The following EFCAB5 variants were observed in gnomAD, a reference collection of about 807,000 sequenced individuals.
EFCAB5 encodes EF-hand calcium-binding domain-containing protein 5.
EFCAB5 carries 131 observed loss-of-function variants against 167.9 expected under a neutral mutation model. The ratio of observed to expected loss-of-function variants is 0.78; its 90% confidence interval spans 0.68 to 0.90. The LOEUF is 0.90. Among genes scored for constraint, EFCAB5 ranks in the 40% least tolerant of loss-of-function variants. The pLI is 0.00. For missense variants in EFCAB5, 1,663 were observed against 1,745.2 expected, an observed-to-expected ratio of 0.95 and a Z score of 0.84; for synonymous variants, 574 against 602.8, an observed-to-expected ratio of 0.95 and a Z score of 0.70.
At chr17:29,956,170 G>A (rs1381498938) in intron 3 of EFCAB5, among the ~76,000 whole-genome samples, 9 of 152,162 alleles carry the variant, frequency 5.9e-5, no homozygotes. Flanking sequence ...CTATTAAATT[G>A]TCTATCAACA....
intron 18 of EFCAB5, among the ~76,000 whole-genome samples, chr17:30,085,926 G>A (rs1020525040): frequency 6.6e-6 from 1 of 152,070 alleles, no homozygotes; most frequent in African/African-American, 2.4e-5. Flanking sequence ...CCTCTTCCAA[G>A]CACCATTCAA....
In EFCAB5 at chr17:30,058,691, C is replaced by A. The variant is rs182651210; in HGVS notation, c.2580+801C>A. Among the ~76,000 whole-genome samples the A allele has an allele frequency of 4.2e-4, 64 of 152,148 alleles. No homozygotes were observed. The East Asian group carries it at 0.012, about 28-fold the overall frequency. On this transcript the variant is annotated intron_variant, in intron 13 of 22. Transcript: ENST00000394835. ...TTTTCATTATTTAAACACTGCCATT[C>A]ATTCCCCTTCACTCAAAACATATCC... is the stretch of plus-strand genomic sequence containing the variant.
intron 3 of EFCAB5, among the ~76,000 whole-genome samples, chr17:29,952,509 A>G (rs2067532921): frequency 6.6e-6 from 1 of 152,244 alleles, no homozygotes; most frequent in Non-Finnish European, 1.5e-5. Flanking sequence ...AACCCAGTCT[A>G]TCTAAAAGAG....
At position 29,941,709 on chromosome 17, in the gene EFCAB5, TG is replaced by T. The variant is rs2067299751; in HGVS notation, c.-87del. The T allele has an allele frequency of 8.3e-7, 1 of 1,198,256 alleles. No homozygotes were observed. Among genetic ancestry groups the T allele is most frequent in the African/African-American group, 1.5e-5 (1 of 64,538 alleles). The allele number at this position is 1,198,256 out of a possible 1,614,324, so 74.2% of individuals were successfully genotyped here. A position where few individuals can be genotyped will look rare whatever the true frequency, so the allele number is the denominator to read the frequency against. Reference sequence around the variant, plus strand: ...TTTTAACTTCTGGAGTACTTTGTGATGTTTATTAATATTTTCTTTCTTTTTG... The same window carrying T: ...TTTTAACTTCTGGAGTACTTTGTGATTTTATTAATATTTTCTTTCTTTTTG... On this transcript the variant is annotated 5_prime_UTR_variant, in exon 1 of 23. It removes an upstream start codon present in the reference 5' UTR. Coordinates refer to ENST00000394835, the MANE Select transcript of EFCAB5 (RefSeq NM_198529.4).
intron 18 of EFCAB5, among the ~76,000 whole-genome samples, chr17:30,085,256 T>C (rs781554716): frequency 6.6e-6 from 1 of 152,142 alleles, no homozygotes; most frequent in African/African-American, 2.4e-5. Context: ...ACAGTAACCA[T>C]AGATGAGTAA....
chr17:29,974,100 T>C (rs1038173307), intron 4 of EFCAB5, among the ~76,000 whole-genome samples: 1 of 148,806 alleles, frequency 6.7e-6, no homozygotes, highest in African/African-American at 2.5e-5. Flanking sequence ...GAGGTTGCAG[T>C]GAGCTGAGAT....
At chr17:29,950,675 C>T (rs2067490966) in intron 3 of EFCAB5, 1 of 152,050 alleles carries the variant, frequency 6.6e-6, no homozygotes, top group African/African-American at 2.4e-5. Context: ...CACCTAGCCT[C>T]TTATGATTTT....
Position 29,969,150 on chromosome 17 carries a change from C to T in EFCAB5, c.550C>T (p.Pro184Ser). ...TGACAAACTTCTACCCACCTTAGTT[C>T]CTGGAGTAGAAAACATGTTAACTCA... ...LLDKLLPTLV[P>S]GVENMLTQVE... The change falls in exon 4 of 23, where the codon CCT becomes TCT. Residue 184 changes from proline to serine, a missense_variant. Pro to Ser is a moderately conservative substitution (Grantham distance 74). Transcript: ENST00000394835. The T allele has an allele frequency of 1.2e-6, 2 of 1,613,792 alleles. No individual in the cohort carries two copies. Among genetic ancestry groups the T allele is most frequent in the Non-Finnish European group, 1.7e-6 (2 of 1,179,818 alleles).
intron 7 of EFCAB5, among the ~76,000 whole-genome samples, chr17:30,011,791 T>G (rs146277331): frequency 2.7e-3 from 410 of 151,882 alleles, no homozygotes; most frequent in Middle Eastern, 0.01. Flanking sequence ...AATTGAATAC[T>G]GTGGGTGGCA....
chr17:29,983,963 T>C (rs1023407725), intron 4 of EFCAB5, among the ~76,000 whole-genome samples: 2 of 152,022 alleles, frequency 1.3e-5, no homozygotes, highest in African/African-American at 4.8e-5. Flanking sequence ...GAAAACCAAT[T>C]TTGTGTATTC....
intron 3 of EFCAB5, among the ~76,000 whole-genome samples, chr17:29,946,049 C>G (rs2067390740): frequency 2.0e-5 from 3 of 152,136 alleles, no homozygotes; most frequent in African/African-American, 2.4e-5. Context: ...ACTAAACTGA[C>G]AACCCACAGA....
chr17:30,024,853 A>C (rs2151715981), intron 7 of EFCAB5, among the ~76,000 whole-genome samples: 1 of 152,266 alleles, frequency 6.6e-6, no homozygotes, highest in East Asian at 1.9e-4. Flanking sequence ...TCAATGGAAC[A>C]GAACAGAGCC....
At chr17:30,002,913 G>A (rs1032144664) in intron 7 of EFCAB5, among the ~76,000 whole-genome samples, 3 of 151,982 alleles carry the variant, frequency 2.0e-5, no homozygotes, top group Non-Finnish European at 4.4e-5. Flanking sequence ...TCCATGGTTG[G>A]TGATGAAAAA....
intron 8 of EFCAB5, among the ~76,000 whole-genome samples, chr17:30,041,202 GAAAGGAAA>G (rs2069762242): frequency 7.1e-6 from 1 of 140,462 alleles, no homozygotes. Flanking sequence ...AAGGAAGGAA[GAAAGGAAA>G]GAAGGAAGGA....
chr17:29,969,443 T>C, intron 4 of EFCAB5, 76 bp downstream of exon 4: 1 of 1,249,412 alleles, frequency 8.0e-7, no homozygotes, highest in Non-Finnish European at 1.1e-6. Flanking sequence ...AACATAATCA[T>C]GGACAGGACT....
At chr17:30,095,869 T>C (rs2071279529) in intron 22 of EFCAB5, among the ~76,000 whole-genome samples, 1 of 152,242 alleles carries the variant, frequency 6.6e-6, no homozygotes, top group South Asian at 2.1e-4. Context: ...CTTAGTCATC[T>C]TGAATGGGAA....
chr17:30,002,606 A>G (rs1345978728), intron 7 of EFCAB5, among the ~76,000 whole-genome samples: 1 of 152,016 alleles, frequency 6.6e-6, no homozygotes, highest in East Asian at 1.9e-4. Context: ...CATTTAGAAA[A>G]CTCAAGATGA....
intron 3 of EFCAB5, among the ~76,000 whole-genome samples, chr17:29,945,919 T>G (rs1436850688): frequency 1.3e-5 from 2 of 152,162 alleles, no homozygotes; most frequent in Non-Finnish European, 2.9e-5. Flanking sequence ...TTTTGGACAT[T>G]GGCTTAGGCA....
rs116670617 is a variant in EFCAB5, at chr17:30,012,287, C to T, written c.1044+12311C>T. ...CTCTTGTGAAGGGGCTGACATTAGTCAGGCTCGCCCGCAGTTGTCTGGAGG... is the reference window on the plus strand; with the variant it reads ...CTCTTGTGAAGGGGCTGACATTAGTTAGGCTCGCCCGCAGTTGTCTGGAGG... On this transcript the variant is annotated intron_variant, in intron 7 of 22. Coordinates refer to ENST00000394835, the MANE Select transcript of EFCAB5 (RefSeq NM_198529.4). 7.6e-3 allele frequency among the ~76,000 whole-genome samples: 1,154 copies of T among 152,280 alleles called. 21 individuals carry two copies. The highest frequency in any genetic ancestry group is 0.026 in the African/African-American group (1,098 of 41,552).
Sources: allele counts gnomAD v4.1 joint callset (sites outside exome capture counted in the v4.1 genomes callset), GRCh38; gene constraint gnomAD v4.1.1; transcripts MANE v1.5; gene names NCBI Gene and HGNC (gene_info 2026-07-23, HGNC 2026-07-21).